The following RNF115 variants were observed in gnomAD, a reference collection of about 807,000 sequenced individuals.
RNF115 encodes the protein ring finger protein 115, also known as E3 ubiquitin-protein ligase RNF115.
RNF115 carries 31 observed loss-of-function variants against 39.2 expected under a neutral mutation model. The observed-to-expected ratio is 0.79, with a 90% CI of 0.59 to 1.07. The LOEUF (loss-of-function observed/expected upper bound fraction) is 1.07, where lower values mean the gene tolerates loss of function less well. RNF115 is among the 50% of genes least tolerant of loss of function. The probability of loss-of-function intolerance (pLI) is 0.00; values close to 1 mark genes in which losing one functional copy is unlikely to be tolerated. For missense variants in RNF115, 384 were observed against 381.7 expected, an observed-to-expected ratio of 1.01 and a Z score of -0.05; for synonymous variants, 124 against 131.0, an observed-to-expected ratio of 0.95 and a Z score of 0.37.
chr1:145,807,963 T>C (rs192179290), intron 1 of RNF115, among the ~76,000 whole-genome samples: 110 of 152,320 alleles, frequency 7.2e-4, no homozygotes, highest in Middle Eastern at 3.4e-3. Flanking sequence ...TGTGCCTGGC[T>C]TATCTCACTT....
At chr1:145,783,143 G>A (rs1316597033) in intron 3 of RNF115, among the ~76,000 whole-genome samples, 2 of 152,190 alleles carry the variant, frequency 1.3e-5, no homozygotes, top group African/African-American at 2.4e-5. Context: ...GATTACAGGC[G>A]TGAGCCACTG....
chr1:145,797,410 T>C (rs1344596768), intron 1 of RNF115, among the ~76,000 whole-genome samples: 1 of 152,216 alleles, frequency 6.6e-6, no homozygotes, highest in Non-Finnish European at 1.5e-5. Flanking sequence ...AAGCATACAG[T>C]ATTCGTCTTT....
In RNF115 at chr1:145,787,478, A is replaced by C. The variant is rs587693694; in HGVS notation, c.161+1430T>G. 6.6e-5 allele frequency among the ~76,000 whole-genome samples: 10 copies of C among 150,432 alleles called. No homozygotes were observed. The South Asian group carries it at 2.1e-3, about 32-fold the overall frequency. ...TCTCAGCTACTTGGGAGGCTGAGGC[A>C]GGAGAATCACTTGAACCTGGGAGGC... is the stretch of plus-strand genomic sequence containing the variant. On this transcript the variant is annotated intron_variant, in intron 2 of 8. Transcript: ENST00000582693.
rs1385898458 is a variant in RNF115, at chr1:145,823,891, GCCGTCCGAGAGGGCAGCCGGC to G, written c.-39_-19del. 6.6e-7 allele frequency: 1 copy of G among 1,508,116 alleles called. No homozygotes were observed. The highest frequency in any genetic ancestry group is 8.9e-7 in the Non-Finnish European group (1 of 1,128,690). The allele number at this position is 1,508,116 out of a possible 1,614,324, so 93.4% of individuals were successfully genotyped here. The stretch of plus-strand genomic sequence containing the variant: ...TCCGCCATTTTTGCCCTCCGCCGCG[GCCGTCCGAGAGGGCAGCCGGC>G]CCGTCCCTCGCCAGGCCGCTACCTC... On this transcript the variant is annotated 5_prime_UTR_variant, in exon 1 of 9. Transcript: ENST00000582693.
chr1:145,799,052 T>A (rs1649105954), intron 1 of RNF115, among the ~76,000 whole-genome samples: 1 of 151,886 alleles, frequency 6.6e-6, no homozygotes, highest in African/African-American at 2.4e-5. Flanking sequence ...CAGGGTTTTT[T>A]GTGGAATGTT....
At position 145,742,790 on chromosome 1, in the gene RNF115, A is replaced by C. The variant is rs1442559894; in HGVS notation, c.*4076T>G. 1 of 152,244 alleles carries C rather than the reference A, an allele frequency of 6.6e-6. No individual in the cohort carries two copies. Among genetic ancestry groups the C allele is most frequent in the African/African-American group, 2.4e-5 (1 of 41,464 alleles). 9.4% of individuals were successfully genotyped at this position (152,244 alleles called of 1,614,324 possible). A position where few individuals can be genotyped will look rare whatever the true frequency, so the allele number is the denominator to read the frequency against. ...TATTTAATCAGAGACTGATTGGAGAAAAAACAAGTTCTTCCCCTCAAATTT... is the reference window on the plus strand; with the variant it reads ...TATTTAATCAGAGACTGATTGGAGACAAAACAAGTTCTTCCCCTCAAATTT... On this transcript the variant is annotated 3_prime_UTR_variant, in exon 9 of 9. Transcript: ENST00000582693.
intron 4 of RNF115, among the ~76,000 whole-genome samples, chr1:145,760,712 A>G (rs940681501): frequency 3.3e-5 from 5 of 152,308 alleles, no homozygotes; most frequent in African/African-American, 1.2e-4. Flanking sequence ...CTTTATCAGC[A>G]GCGTGAAAAT....
At chr1:145,782,930 C>G (rs587748745) in intron 3 of RNF115, among the ~76,000 whole-genome samples, 1 of 152,308 alleles carries the variant, frequency 6.6e-6, no homozygotes, top group South Asian at 2.1e-4. Context: ...AGTGCGATCT[C>G]GACTCACCTC....
chr1:145,774,895 A>C (rs1553716312), intron 3 of RNF115, among the ~76,000 whole-genome samples: 1 of 152,098 alleles, frequency 6.6e-6, no homozygotes, highest in African/African-American at 2.4e-5. Flanking sequence ...TGATTTTTGT[A>C]TATTGACCTT....
intron 1 of RNF115, among the ~76,000 whole-genome samples, chr1:145,794,364 C>T (rs1648834746): frequency 6.6e-6 from 1 of 152,144 alleles, no homozygotes; most frequent in Non-Finnish European, 1.5e-5. Flanking sequence ...CCCCTCCCCT[C>T]CTTCAGTGTG....
intron 3 of RNF115, among the ~76,000 whole-genome samples, chr1:145,778,639 C>T (rs187677684): frequency 6.6e-6 from 1 of 152,216 alleles, no homozygotes; most frequent in African/African-American, 2.4e-5. Context: ...ACTCATCACC[C>T]CGAAATGTTT....
intron 4 of RNF115, among the ~76,000 whole-genome samples, chr1:145,758,580 T>C (rs1330424263): frequency 6.6e-6 from 1 of 152,236 alleles, no homozygotes; most frequent in East Asian, 1.9e-4. Context: ...CACCTATTTG[T>C]CAGTGACAAG....
rs587706470 is a variant in RNF115, at chr1:145,812,147, T to C, written c.102+11625A>G. 1.1e-3 allele frequency among the ~76,000 whole-genome samples: 164 copies of C among 147,728 alleles called. 1 individual carries two copies. The highest frequency in any genetic ancestry group is 3.8e-3 in the African/African-American group (156 of 41,242). On this transcript the variant is annotated intron_variant, in intron 1 of 8. Transcript: ENST00000582693. ...CATGTAACTATAATTGTTTTTTCTT[T>C]TGAGAATGTAAATTCTAAGCATGGT...
At position 145,789,840 on chromosome 1, in the gene RNF115, G is replaced by C. The variant is rs943582350; in HGVS notation, c.103-874C>G. Among the ~76,000 whole-genome samples, 37 of 151,360 alleles carry C rather than the reference G, an allele frequency of 2.4e-4. 1 individual carries two copies. The highest frequency in any genetic ancestry group is 6.1e-4 in the African/African-American group (25 of 41,184). On this transcript the variant is annotated intron_variant, in intron 1 of 8. Transcript: ENST00000582693. Reference sequence around the variant, plus strand: ...TTCTCCTGCCTCAGCCTCCCAGGTAGGTGGGATTACAAGCCCCTGGCTAAT... The same window carrying C: ...TTCTCCTGCCTCAGCCTCCCAGGTACGTGGGATTACAAGCCCCTGGCTAAT...
intron 3 of RNF115, among the ~76,000 whole-genome samples, chr1:145,777,381 C>G (rs1320608851): frequency 3.9e-5 from 6 of 152,084 alleles, no homozygotes; most frequent in African/African-American, 1.4e-4. Context: ...TTAAAAACAG[C>G]TTCAACATCA....
At chr1:145,791,795 A>T (rs1389092726) in intron 1 of RNF115, among the ~76,000 whole-genome samples, 6 of 152,146 alleles carry the variant, frequency 3.9e-5, no homozygotes. Context: ...CCTTATAATA[A>T]TTTTTTAAAG....
chr1:145,779,525 C>A (rs1185316324), intron 3 of RNF115, among the ~76,000 whole-genome samples: 1 of 151,884 alleles, frequency 6.6e-6, no homozygotes, highest in Non-Finnish European at 1.5e-5. Flanking sequence ...TGACATAATA[C>A]CAAGTAAATT....
At chr1:145,787,571 C>CAAAAAAAA (rs1192063003) in intron 2 of RNF115, among the ~76,000 whole-genome samples, 1 of 88,900 alleles carries the variant, frequency 1.1e-5, no homozygotes, top group Non-Finnish European at 2.2e-5. Flanking sequence ...GACTCCGTCA[C>CAAAAAAAA]AAAAAAAAAA....
At chr1:145,809,479 A>C (rs587750911) in intron 1 of RNF115, among the ~76,000 whole-genome samples, 1 of 116,156 alleles carries the variant, frequency 8.6e-6, no homozygotes, top group African/African-American at 3.4e-5. Context: ...CTGCACCCAG[A>C]CCCAGCTAAT....
Sources: gnomAD v4.1 joint callset for allele counts (sites outside exome capture counted in the v4.1 genomes callset) on GRCh38, gnomAD v4.1.1 for gene constraint, MANE v1.5 for transcripts, NCBI Gene and HGNC (gene_info 2026-07-23, HGNC 2026-07-21) for gene names.